Variants in MYO18A observed in about 807,000 individuals in gnomAD.
MYO18A encodes the protein unconventional myosin-XVIIIa.
Under a neutral mutation model 235.8 loss-of-function variants are expected in MYO18A, and 78 were observed. That is an observed-to-expected ratio of 0.33 (90% confidence interval 0.28 to 0.40). The LOEUF (loss-of-function observed/expected upper bound fraction) is 0.40, where lower values mean the gene tolerates loss of function less well. MYO18A is among the 10% of genes least tolerant of loss of function. The probability of loss-of-function intolerance (pLI) is 1.00; values close to 1 mark genes in which losing one functional copy is unlikely to be tolerated. For synonymous variants in MYO18A, 977 were observed against 1,077.8 expected, an observed-to-expected ratio of 0.91 and a Z score of 1.83; for missense variants, 2,215 against 2,699.3, an observed-to-expected ratio of 0.82 and a Z score of 3.98.
At chr17:29,087,387 T>C (rs1279387052) in intron 37 of MYO18A, among the ~76,000 whole-genome samples, 1 of 152,134 alleles carries the variant, frequency 6.6e-6, no homozygotes, top group Non-Finnish European at 1.5e-5. Flanking sequence ...CTATTATCAT[T>C]ATTACTACAC....
intron 15 of MYO18A, 99 bp downstream of exon 15, chr17:29,113,912 G>C: frequency 1.1e-6 from 1 of 943,604 alleles, no homozygotes; most frequent in Non-Finnish European, 1.6e-6. Context: ...GCCCACAGTG[G>C]CACCCCCAGC....
Position 29,121,081 on chromosome 17 carries a change from C to A in MYO18A, c.1502G>T (p.Gly501Val). The change falls in exon 6 of 42, where the codon GGC (glycine) becomes GTC (valine). Residue 501 changes from glycine to valine, a missense_variant. Coordinates refer to ENST00000527372, the MANE Select transcript of MYO18A (RefSeq NM_078471.4). The surrounding 1 kb of genome is among the most constrained non-coding windows in gnomAD (Gnocchi z 4.2). ...DQSIILLGSSGSGKTTSCQHL... is the reference protein window; with the variant it reads ...DQSIILLGSSVSGKTTSCQHL... Reference sequence around the variant, plus strand: ...CTGGCAGCTGGTGGTCTTGCCACTGCCACTACTGCCCAGGAGGATGATTGA... The same window carrying A: ...CTGGCAGCTGGTGGTCTTGCCACTGACACTACTGCCCAGGAGGATGATTGA... 1 of 1,612,672 alleles carries A rather than the reference C, an allele frequency of 6.2e-7. No homozygotes were observed. The highest frequency in any genetic ancestry group is 1.7e-5 in the Admixed American group (1 of 59,852).
Position 29,106,999 on chromosome 17 carries a change from AG to A in MYO18A, c.3441+80del. The stretch of plus-strand genomic sequence containing the variant: ...GGGCCAGATGAGCTGTCTCCAGGGA[AG>A]GGAAGGCAGATGAGTCTGGAAAGGG... On this transcript the variant is annotated intron_variant, in intron 20 of 41. Coordinates refer to ENST00000527372, the MANE Select transcript of MYO18A (RefSeq NM_078471.4). This position sits in a 1 kb window ranked among gnomAD's most constrained non-coding sequence, Gnocchi z 4.6. 7.6e-7 allele frequency: 1 copy of A among 1,322,762 alleles called. No individual in the cohort carries two copies. Among genetic ancestry groups the A allele is most frequent in the East Asian group, 2.3e-5 (1 of 42,752 alleles). The allele number at this position is 1,322,762 out of a possible 1,614,324, so 81.9% of individuals were successfully genotyped here.
intron 2 of MYO18A, among the ~76,000 whole-genome samples, chr17:29,157,875 C>T (rs1008762744): frequency 6.6e-6 from 1 of 152,034 alleles, no homozygotes; most frequent in African/African-American, 2.4e-5. Context: ...CTCACTGTAG[C>T]CCCAACCTCC....
rs1309501464 is a variant in MYO18A at position 29,106,324 on chromosome 17, C to A, written c.3441+756G>T. On this transcript the variant is annotated intron_variant, in intron 20 of 41. Transcript: ENST00000527372. This position sits in a 1 kb window ranked among gnomAD's most constrained non-coding sequence, Gnocchi z 4.6. ...AAGGATGGAGGGAAGTTCTTCCGAG[C>A]CCCCTCCATGAATTCAGGTCTTTAA... 6.6e-6 allele frequency among the ~76,000 whole-genome samples: 1 copy of A among 152,116 alleles called. No individual in the cohort carries two copies. Among genetic ancestry groups the A allele is most frequent in the Non-Finnish European group, 1.5e-5 (1 of 68,014 alleles).
rs2066485780 is a variant in MYO18A at position 29,094,958 on chromosome 17, A to G, written c.4487T>C (p.Phe1496Ser). Reference sequence around the variant, plus strand: ...CACCTCTAGTTGCTGCTTCAGGCTGAAAGCCTCAGCGAGGAGCATGTCCTT... The same window carrying G: ...CACCTCTAGTTGCTGCTTCAGGCTGGAAGCCTCAGCGAGGAGCATGTCCTT... ...REKDMLLAEA[F>S]SLKQQLEEKD... The change falls in exon 29 of 42, where the codon TTC (phenylalanine) becomes TCC (serine). Residue 1496 changes from phenylalanine to serine, a missense_variant. Physicochemically the swap from Phe to Ser is radical, Grantham distance 155. Transcript: ENST00000527372. The G allele has an allele frequency of 6.2e-7, 1 of 1,609,386 alleles. No homozygotes were observed. Among genetic ancestry groups the G allele is most frequent in the Admixed American group, 1.7e-5 (1 of 59,586 alleles).
chr17:29,121,658 G>A lies in MYO18A; in HGVS notation c.1260C>T (p.Ser420=), dbSNP rs372722887. 9.6e-6 allele frequency: 15 copies of A among 1,567,106 alleles called. No individual in the cohort carries two copies. The highest frequency in any genetic ancestry group is 1.4e-5 in the African/African-American group (1 of 73,716). The part of the protein sequence containing the change: ...LASLVYLNES[S]VLHTLRQRYG... ...AGCGCTGGCGCAAGGTGTGCAGGAC[G>A]CTGGACTCATTGAGGTACACCAGTG... is the stretch of plus-strand genomic sequence containing the variant. The change falls in exon 5 of 42, where the codon AGC becomes AGT. Residue 420 remains serine, a synonymous_variant. Transcript: ENST00000527372. The surrounding 1 kb of genome is among the most constrained non-coding windows in gnomAD (Gnocchi z 4.2).
chr17:29,127,072 C>A (rs1049414022), intron 2 of MYO18A, among the ~76,000 whole-genome samples: 19 of 152,340 alleles, frequency 1.2e-4, no homozygotes, highest in Middle Eastern at 3.4e-3. Context: ...GAGCACCCAC[C>A]ATGCCAGGGA....
intron 2 of MYO18A, among the ~76,000 whole-genome samples, chr17:29,124,365 C>G (rs934965442): frequency 4.6e-5 from 7 of 152,232 alleles, no homozygotes; most frequent in African/African-American, 1.4e-4. Context: ...ACCAGGCCCC[C>G]CTTGGGCTCC....
At chr17:29,128,923 A>G (rs1598351343) in intron 2 of MYO18A, 3 of 742,480 alleles carry the variant, frequency 4.0e-6, no homozygotes, top group African/African-American at 3.6e-5. Context: ...AGGTGAGCCC[A>G]CTGCCTCGCA....
chr17:29,111,347 C>A lies in MYO18A; in HGVS notation c.2900+77G>T. 1 of 1,522,954 alleles carries A rather than the reference C, an allele frequency of 6.6e-7. No homozygotes were observed. The highest frequency in any genetic ancestry group is 8.9e-7 in the Non-Finnish European group (1 of 1,122,992). 94.3% of individuals were successfully genotyped at this position (1,522,954 alleles called of 1,614,324 possible). On this transcript the variant is annotated intron_variant, in intron 17 of 41. Transcript: ENST00000527372. This position sits in a 1 kb window ranked among gnomAD's most constrained non-coding sequence, Gnocchi z 5.1. ...TTTGCTAGTGAGGGGGCCTCTGAGA[C>A]AACCCCAGGGGGAGGGAGCCCCAAA...
intron 2 of MYO18A, among the ~76,000 whole-genome samples, chr17:29,136,322 TAAAA>T (rs1169522689): frequency 7.7e-6 from 1 of 129,522 alleles, no homozygotes; most frequent in Non-Finnish European, 1.7e-5. Flanking sequence ...CCACAAAAAT[TAAAA>T]AAAAAAAAGA....
At chr17:29,100,209 C>A (rs1323808374) in intron 21 of MYO18A, among the ~76,000 whole-genome samples, 7 of 152,208 alleles carry the variant, frequency 4.6e-5, no homozygotes, top group Admixed American at 4.6e-4. Flanking sequence ...CCCTCTGACT[C>A]CCAATTGCTG....
intron 39 of MYO18A, among the ~76,000 whole-genome samples, chr17:29,086,048 C>T (rs2066245404): frequency 6.6e-6 from 1 of 152,270 alleles, no homozygotes; most frequent in Non-Finnish European, 1.5e-5. Context: ...CTCTTTCTCT[C>T]CAAACCATTC....
In MYO18A at chr17:29,109,756, G is replaced by A; in HGVS notation, c.3331+102C>T. On this transcript the variant is annotated intron_variant, in intron 19 of 41. Coordinates refer to ENST00000527372, the MANE Select transcript of MYO18A (RefSeq NM_078471.4). The surrounding 1 kb of genome is among the most constrained non-coding windows in gnomAD (Gnocchi z 4.1). ...CAGAAAGGATCGTGAGGAAAGACAG[G>A]AGCAGCCCCACTGCAGCCCACGGGT... 7.1e-7 allele frequency: 1 copy of A among 1,399,546 alleles called. No homozygotes were observed. The highest frequency in any genetic ancestry group is 9.7e-7 in the Non-Finnish European group (1 of 1,027,750). 86.7% of individuals were successfully genotyped at this position (1,399,546 alleles called of 1,614,324 possible).
At chr17:29,103,332 C>T (rs896314182) in intron 21 of MYO18A, among the ~76,000 whole-genome samples, 4 of 152,246 alleles carry the variant, frequency 2.6e-5, no homozygotes, top group African/African-American at 9.6e-5. Flanking sequence ...TCTCTCCTGA[C>T]ATCACAGAGG....
rs111809071 is a variant in MYO18A, at chr17:29,117,816, A to G, written c.2038+229T>C. On this transcript the variant is annotated intron_variant, in intron 10 of 41. Transcript: ENST00000527372. This position sits in a 1 kb window ranked among gnomAD's most constrained non-coding sequence, Gnocchi z 4.6. ...AACCCCCAGCCCTCCATGCTTCCTCATGGTGCCCCCCAGCACAGCCAGCTA... is the reference window on the plus strand; with the variant it reads ...AACCCCCAGCCCTCCATGCTTCCTCGTGGTGCCCCCCAGCACAGCCAGCTA... Among the ~76,000 whole-genome samples the G allele has an allele frequency of 6.6e-6, 1 of 152,154 alleles. No homozygotes were observed. The highest frequency in any genetic ancestry group is 2.4e-5 in the African/African-American group (1 of 41,510).
chr17:29,121,995 A>G lies in MYO18A; in HGVS notation c.1088-38T>C, dbSNP rs1598340982. On this transcript the variant is annotated intron_variant, in intron 3 of 41. Coordinates refer to ENST00000527372, the MANE Select transcript of MYO18A (RefSeq NM_078471.4). The surrounding 1 kb of genome is among the most constrained non-coding windows in gnomAD (Gnocchi z 4.2). ...GACAGACAGCTGGGATGGGCCTGGGAAGCCTCTGCTACTCCACTTGGGAAC... is the reference window on the plus strand; with the variant it reads ...GACAGACAGCTGGGATGGGCCTGGGGAGCCTCTGCTACTCCACTTGGGAAC... 6.2e-7 allele frequency: 1 copy of G among 1,602,270 alleles called. No homozygotes were observed. Among genetic ancestry groups the G allele is most frequent in the Non-Finnish European group, 8.5e-7 (1 of 1,169,822 alleles).
chr17:29,166,740 G>T lies in MYO18A; in HGVS notation c.201C>A (p.Pro67=). Residue 67 remains proline, a synonymous_variant, in exon 2 of 42, where the codon CCC becomes CCA. Transcript: ENST00000527372. ...KTRLEISNPI[P]IKVASGSDLH... Reference sequence around the variant, plus strand: ...GGTCAGAGCCGCTGGCCACCTTGATGGGGATGGGGTTGGAGATTTCCAGGC... The same window carrying T: ...GGTCAGAGCCGCTGGCCACCTTGATTGGGATGGGGTTGGAGATTTCCAGGC... 1 of 1,613,896 alleles carries T rather than the reference G, an allele frequency of 6.2e-7. No individual in the cohort carries two copies. Among genetic ancestry groups the T allele is most frequent in the Non-Finnish European group, 8.5e-7 (1 of 1,179,886 alleles).
Sources: gnomAD v4.1 joint callset for allele counts (sites outside exome capture counted in the v4.1 genomes callset) on GRCh38, gnomAD v4.1.1 for gene constraint, Gnocchi (gnomAD v3.1) non-coding constraint, MANE v1.5 for transcripts, NCBI Gene and HGNC (gene_info 2026-07-23, HGNC 2026-07-21) for gene names.